The following TECRL variants were observed in gnomAD, a reference collection of about 807,000 sequenced individuals.
TECRL encodes trans-2,3-enoyl-CoA reductase like, also known as trans-2,3-enoyl-CoA reductase-like.
Under a neutral mutation model 52.8 loss-of-function variants are expected in TECRL, and 63 were observed. The ratio of observed to expected loss-of-function variants is 1.19; its 90% CI spans 0.97 to 1.47. TECRL has a LOEUF of 1.47. Among genes scored for constraint, TECRL ranks in the 40% most tolerant of loss-of-function variants. The pLI is 0.00. For missense variants in TECRL, 482 were observed against 429.6 expected, an observed-to-expected ratio of 1.12 and a Z score of -1.08; for synonymous variants, 164 against 141.9, an observed-to-expected ratio of 1.16 and a Z score of -1.10.
intron 1 of TECRL, among the ~76,000 whole-genome samples, chr4:64,402,406 A>G (rs577975923): frequency 6.6e-6 from 1 of 152,214 alleles, no homozygotes; most frequent in South Asian, 2.1e-4. Flanking sequence ...GCAAGCATAA[A>G]ATATCTCTTT....
intron 2 of TECRL, among the ~76,000 whole-genome samples, chr4:64,340,851 T>C (rs1419783123): frequency 6.6e-6 from 1 of 151,998 alleles, no homozygotes; most frequent in Non-Finnish European, 1.5e-5. Context: ...CCAATCAGAG[T>C]ACACTTCCTT....
chr4:64,400,406 C>T (rs1162122539), intron 1 of TECRL, among the ~76,000 whole-genome samples: 2 of 152,030 alleles, frequency 1.3e-5, no homozygotes, highest in African/African-American at 4.8e-5. Context: ...AGACTTTGGA[C>T]TTTTGAGGTA....
At chr4:64,407,104 A>G (rs575613657) in intron 1 of TECRL, among the ~76,000 whole-genome samples, 8 of 152,192 alleles carry the variant, frequency 5.3e-5, no homozygotes, top group African/African-American at 1.9e-4. Context: ...CTAAAACAAG[A>G]CACAGCAAGA....
chr4:64,294,233 T>A (rs935950800), intron 8 of TECRL, among the ~76,000 whole-genome samples: 1 of 152,164 alleles, frequency 6.6e-6, no homozygotes, highest in Non-Finnish European at 1.5e-5. Flanking sequence ...GTGAACCACC[T>A]GCCTCAGCCT....
chr4:64,346,559 A>C (rs1263606431), intron 2 of TECRL, among the ~76,000 whole-genome samples: 3 of 152,254 alleles, frequency 2.0e-5, no homozygotes, highest in Admixed American at 6.5e-5. Flanking sequence ...TAAGCTGTAC[A>C]TTGGCCCCTT....
intron 8 of TECRL, among the ~76,000 whole-genome samples, chr4:64,290,426 C>T (rs922805352): frequency 1.3e-5 from 2 of 152,064 alleles, no homozygotes; most frequent in Non-Finnish European, 2.9e-5. Context: ...TCATATATAC[C>T]TCATCTGATT....
At chr4:64,330,744 T>G (rs76511613) in intron 2 of TECRL, among the ~76,000 whole-genome samples, 4,342 of 152,082 alleles carry the variant, frequency 0.029, 67 homozygotes, top group Non-Finnish European at 0.038. Flanking sequence ...TCCCCCCAAA[T>G]AAAGTGATTA....
chr4:64,312,000 G>C (rs1272720742), intron 5 of TECRL, among the ~76,000 whole-genome samples: 5 of 152,138 alleles, frequency 3.3e-5, no homozygotes, highest in African/African-American at 1.2e-4. Context: ...GAAATGTTCA[G>C]GTAACAGGTT....
At chr4:64,353,724 G>A (rs975855127) in intron 2 of TECRL, among the ~76,000 whole-genome samples, 27 of 152,188 alleles carry the variant, frequency 1.8e-4, no homozygotes, top group African/African-American at 6.3e-4. Flanking sequence ...GAATCAGTTA[G>A]TTTTGATTTC....
chr4:64,377,975 G>A (rs894809551), intron 1 of TECRL, among the ~76,000 whole-genome samples: 7 of 151,980 alleles, frequency 4.6e-5, no homozygotes, highest in African/African-American at 1.7e-4. Flanking sequence ...ATTTGATGAG[G>A]TTTTTGTAGT....
chr4:64,309,879 A>T lies in TECRL; in HGVS notation c.604T>A (p.Leu202Ile). 3 of 1,613,042 alleles carry T rather than the reference A, an allele frequency of 1.9e-6. No individual in the cohort carries two copies. The highest frequency in any genetic ancestry group is 2.5e-6 in the Non-Finnish European group (3 of 1,179,350). Residue 202 changes from leucine (L) to isoleucine (I), a missense_variant, in exon 6 of 12, where the codon TTA becomes ATA. Transcript: ENST00000381210. ...IHYIRYLLET[L>I]FVHKVSAGHT... ...CCTGCAGAAACTTTGTGAACAAATA[A>T]GGTTTCCAAAAGGTATCGGATGTAG...
rs1033695163 is a variant in TECRL, at chr4:64,290,380, A to T, written c.775-613T>A. 3.3e-5 allele frequency among the ~76,000 whole-genome samples: 5 copies of T among 152,204 alleles called. 1 individual carries two copies. Among genetic ancestry groups the T allele is most frequent in the African/African-American group, 9.6e-5 (4 of 41,470 alleles). On this transcript the variant is annotated intron_variant, in intron 8 of 11. Coordinates refer to ENST00000381210, the MANE Select transcript of TECRL (RefSeq NM_001010874.5). ...ACTAATAATGTTCCCAGTTTGCAAC[A>T]TGTGTCCTGTGAGGGTAAGACCTTT...
intron 1 of TECRL, among the ~76,000 whole-genome samples, chr4:64,397,289 C>T (rs141479195): frequency 0.01 from 1,582 of 151,986 alleles, 33 homozygotes; most frequent in African/African-American, 0.036. Flanking sequence ...TAATACCACA[C>T]TCTAAATTTT....
intron 1 of TECRL, among the ~76,000 whole-genome samples, chr4:64,406,460 T>C (rs936237426): frequency 6.6e-6 from 1 of 151,872 alleles, no homozygotes; most frequent in African/African-American, 2.4e-5. Context: ...TAGCAAGTTA[T>C]CAAAAGGCTC....
At chr4:64,282,054 G>T (rs1185682689) in intron 9 of TECRL, among the ~76,000 whole-genome samples, 1 of 151,818 alleles carries the variant, frequency 6.6e-6, no homozygotes, top group Non-Finnish European at 1.5e-5. Flanking sequence ...TACCAGAAAA[G>T]TATGCACACC....
At chr4:64,329,563 T>C (rs755707956) in intron 2 of TECRL, among the ~76,000 whole-genome samples, 1 of 151,960 alleles carries the variant, frequency 6.6e-6, no homozygotes, top group Non-Finnish European at 1.5e-5. Context: ...AAGTCTATTA[T>C]GTGTGGGTAT....
chr4:64,404,207 T>C (rs913993594), intron 1 of TECRL, among the ~76,000 whole-genome samples: 5 of 141,918 alleles, frequency 3.5e-5, no homozygotes, highest in African/African-American at 1.4e-4. Flanking sequence ...TAAAAAGCTT[T>C]TGAGAGTTTT....
At position 64,375,281 on chromosome 4, in the gene TECRL, A is replaced by G. The variant is rs145429914; in HGVS notation, c.235-58T>C. The G allele has an allele frequency of 1.9e-3, 1,809 of 947,616 alleles. 20 individuals are homozygous for G. The African/African-American group carries it at 0.028, about 15-fold the overall frequency. The allele number at this position is 947,616 out of a possible 1,614,324, so 58.7% of individuals were successfully genotyped here. A position where few individuals can be genotyped will look rare whatever the true frequency, so the allele number is the denominator to read the frequency against. ...AAAACTGTTAATTTGTTTTCTATCCATTTAAGAAAAAAAAGTTTAAATATA... is the reference window on the plus strand; with the variant it reads ...AAAACTGTTAATTTGTTTTCTATCCGTTTAAGAAAAAAAAGTTTAAATATA... On this transcript the variant is annotated intron_variant, in intron 1 of 11. Coordinates refer to ENST00000381210, the MANE Select transcript of TECRL (RefSeq NM_001010874.5).
intron 1 of TECRL, among the ~76,000 whole-genome samples, chr4:64,384,681 G>A (rs1723052788): frequency 6.6e-6 from 1 of 152,060 alleles, no homozygotes; most frequent in South Asian, 2.1e-4. Context: ...GTATGGACCT[G>A]TTCTCAGGCC....
Sources: allele counts gnomAD v4.1 joint callset (sites outside exome capture counted in the v4.1 genomes callset), GRCh38; gene constraint gnomAD v4.1.1; transcripts MANE v1.5; gene names NCBI Gene and HGNC (gene_info 2026-07-23, HGNC 2026-07-21).